The following AMZ1 variants were observed in gnomAD, a reference collection of about 807,000 sequenced individuals.
AMZ1 encodes the protein archaemetzincin-1.
AMZ1 carries 39 observed loss-of-function variants against 29.9 expected under a neutral mutation model. The observed-to-expected ratio is 1.30, with a 90% CI of 1.01 to 1.70. The LOEUF (loss-of-function observed/expected upper bound fraction) is 1.70. AMZ1 is among the 40% of genes most tolerant of loss of function. The pLI, the probability that AMZ1 is intolerant of heterozygous loss-of-function variation, is 0.00. For synonymous variants in AMZ1, 458 were observed against 304.0 expected (o/e 1.51, Z -5.27); for missense variants, 1,041 against 680.6 (o/e 1.53, Z -5.89).
chr7:2,710,587 G>A (rs1788710707), intron 6 of AMZ1, among the ~76,000 whole-genome samples: 1 of 152,228 alleles, frequency 6.6e-6, no homozygotes. Context: ...TTCTGGGGTA[G>A]AGTGAGGAGC....
At chr7:2,693,728 T>G (rs1049369230) in intron 1 of AMZ1, among the ~76,000 whole-genome samples, 3 of 152,150 alleles carry the variant, frequency 2.0e-5, no homozygotes, top group Non-Finnish European at 2.9e-5. Flanking sequence ...GCTAATTTTT[T>G]GTATTTTTAG....
At chr7:2,740,677 G>A (rs1389559085) in intron 4 of AMZ1, among the ~76,000 whole-genome samples, 3 of 152,188 alleles carry the variant, frequency 2.0e-5, no homozygotes, top group Non-Finnish European at 4.4e-5. Flanking sequence ...GGGTTTATGA[G>A]TATCTGTTGG....
chr7:2,690,639 C>G (rs1341096914), intron 1 of AMZ1, among the ~76,000 whole-genome samples: 1 of 152,120 alleles, frequency 6.6e-6, no homozygotes, highest in Non-Finnish European at 1.5e-5. Context: ...CACGTGCCCG[C>G]CACTGCTTGC....
intron 4 of AMZ1, among the ~76,000 whole-genome samples, chr7:2,727,839 C>T (rs555486743): frequency 6.6e-6 from 1 of 151,790 alleles, no homozygotes; most frequent in African/African-American, 2.4e-5. Context: ...GGGCCGATCA[C>T]GAGGTCAGGA....
intron 4 of AMZ1, among the ~76,000 whole-genome samples, chr7:2,742,933 T>A (rs1301813401): frequency 6.6e-6 from 1 of 152,188 alleles, no homozygotes; most frequent in African/African-American, 2.4e-5. Context: ...GACCTGTAGG[T>A]TCTTCTCAAT....
chr7:2,704,203 C>T (rs1192025949), intron 3 of AMZ1, among the ~76,000 whole-genome samples: 1 of 152,130 alleles, frequency 6.6e-6, no homozygotes, highest in East Asian at 1.9e-4. Flanking sequence ...CTAAGGTACT[C>T]TTAAACCCAT....
intron 4 of AMZ1, among the ~76,000 whole-genome samples, chr7:2,732,649 A>C (rs1301095233): frequency 6.6e-6 from 1 of 152,206 alleles, no homozygotes; most frequent in African/African-American, 2.4e-5. Flanking sequence ...AAACACGGAC[A>C]TGATCATGCC....
At chr7:2,685,132 G>C (rs1787029168), upstream of AMZ1, among the ~76,000 whole-genome samples, 1 of 151,684 alleles carries the variant, frequency 6.6e-6, no homozygotes, top group Non-Finnish European at 1.5e-5. Flanking sequence ...GCCTCCCAAA[G>C]TGCTGGGATT....
chr7:2,708,479 AG>A, intron 3 of AMZ1, 108 bp from the exon 4 acceptor site: 1 of 1,511,648 alleles, frequency 6.6e-7, no homozygotes, highest in Non-Finnish European at 8.9e-7. Context: ...TGACTTGGGA[AG>A]GGGCAGGGCC....
At chr7:2,739,027 G>A (rs543535708) in intron 4 of AMZ1, among the ~76,000 whole-genome samples, 1 of 152,274 alleles carries the variant, frequency 6.6e-6, no homozygotes, top group South Asian at 2.1e-4. Flanking sequence ...CAGGGTCCTT[G>A]GCCGTGGAGC....
chr7:2,695,902 C>T (rs187698580), intron 1 of AMZ1, among the ~76,000 whole-genome samples: 59 of 150,612 alleles, frequency 3.9e-4, no homozygotes, highest in African/African-American at 1.3e-3. Flanking sequence ...CCCAGCTACT[C>T]GGGAGGCTGA....
chr7:2,693,165 G>A (rs1191384130), intron 1 of AMZ1, among the ~76,000 whole-genome samples: 8 of 152,198 alleles, frequency 5.3e-5, no homozygotes, highest in Admixed American at 1.3e-4. Flanking sequence ...GCAGTGGCGC[G>A]ATTTCGGCTC....
chr7:2,752,974 G>A (rs887490452), intron 4 of AMZ1, among the ~76,000 whole-genome samples: 10 of 152,038 alleles, frequency 6.6e-5, no homozygotes, highest in Admixed American at 2.0e-4. Flanking sequence ...CCACCACAAC[G>A]GTCTCCCTCG....
At position 2,737,268 on chromosome 7, in the gene AMZ1, TGTTTTGTTTTTTTTTTTTTTG is replaced by T. The variant is rs1256393745; in HGVS notation, n.551-27443_551-27423del. 6.6e-5 allele frequency among the ~76,000 whole-genome samples: 7 copies of T among 106,634 alleles called. 1 individual carries two copies. The highest frequency in any genetic ancestry group is 3.2e-4 in the Admixed American group (3 of 9,458). 70.0% of individuals were successfully genotyped at this position (106,634 alleles called of 152,430 possible). A position where few individuals can be genotyped will look rare whatever the true frequency, so the allele number is the denominator to read the frequency against. Reference sequence around the variant, plus strand: ...CCATTCAGGAGCTATCTCACAGTTTTGTTTTGTTTTTTTTTTTTTTGTTTTTTTTTTTTTTTTTGAGATGGA... The same window carrying T: ...CCATTCAGGAGCTATCTCACAGTTTTTTTTTTTTTTTTTTTTTGAGATGGA... On this transcript the variant is annotated intron_variant and non_coding_transcript_variant, in intron 4 of 4. Transcript: ENST00000489665.
rs41304915 is a variant in AMZ1, at chr7:2,729,388, T to A, written n.550+19572T>A. On this transcript the variant is annotated intron_variant and non_coding_transcript_variant, in intron 4 of 4. Transcript: ENST00000489665. ...CGGCACTCATCTCCGGTCACATCCG[T>A]GAGGTCTGTGAAGAGCCACAGAAGC... The A allele has an allele frequency of 3.6e-3, 547 of 152,396 alleles. 5 individuals are homozygous for A. The highest frequency in any genetic ancestry group is 0.022 in the South Asian group (107 of 4,822). The allele number at this position is 152,396 out of a possible 1,614,324, so 9.4% of individuals were successfully genotyped here.
In AMZ1 at chr7:2,712,847, C is replaced by T. The variant is rs1164615094; in HGVS notation, c.1466C>T (p.Ala489Val). ...SARKLARAES[A>V]PRPWDGEES is the part of the protein sequence containing the mutation. ...CGAAAACTCGCCAGAGCAGAGTCGG[C>T]CCCCCGTCCCTGGGATGGGGAAGAG... The change falls in exon 7 of 7, where the codon GCC becomes GTC. Residue 489 changes from alanine to valine, a missense_variant. By Grantham distance (64) the Ala-to-Val change is moderately conservative (BLOSUM62 0). Transcript: ENST00000683327. 2 of 1,524,906 alleles carry T rather than the reference C, an allele frequency of 1.3e-6. No homozygotes were observed. The highest frequency in any genetic ancestry group is 1.8e-4 in the Middle Eastern group (1 of 5,620). The allele number at this position is 1,524,906 out of a possible 1,614,324, so 94.5% of individuals were successfully genotyped here.
intron 4 of AMZ1, among the ~76,000 whole-genome samples, chr7:2,735,240 C>A (rs1316010838): frequency 6.6e-6 from 1 of 152,256 alleles, no homozygotes; most frequent in Non-Finnish European, 1.5e-5. Flanking sequence ...CTGTCCCTCC[C>A]TCTCCTGTGG....
chr7:2,708,906 T>G (rs112034175), intron 4 of AMZ1, among the ~76,000 whole-genome samples, 169 bp from the exon 5 acceptor site: 83 of 152,332 alleles, frequency 5.4e-4, no homozygotes, highest in African/African-American at 1.8e-3. Context: ...TCCTCAGCTG[T>G]GGCGTCTGCC....
At chr7:2,742,928 G>C (rs573556757) in intron 4 of AMZ1, among the ~76,000 whole-genome samples, 2 of 152,206 alleles carry the variant, frequency 1.3e-5, no homozygotes, top group Non-Finnish European at 2.9e-5. Flanking sequence ...TAATAGACCT[G>C]TAGGTTCTTC....
Sources: gnomAD v4.1 joint callset for allele counts (sites outside exome capture counted in the v4.1 genomes callset) on GRCh38, gnomAD v4.1.1 for gene constraint, MANE v1.5 for transcripts, NCBI Gene and HGNC (gene_info 2026-07-23, HGNC 2026-07-21) for gene names.